DOCK4: variants seen among roughly 807,000 people sequenced by gnomAD.
The protein encoded by DOCK4 is dedicator of cytokinesis protein 4.
In DOCK4, 97 loss-of-function variants were observed where a neutral mutation model predicts 268.1. The observed-to-expected ratio is 0.36, with a 90% CI of 0.31 to 0.43. The LOEUF is 0.43. DOCK4 is among the 20% of genes least tolerant of loss of function. The probability of loss-of-function intolerance (pLI) is 1.00; values close to 1 mark genes in which losing one functional copy is unlikely to be tolerated. For missense variants in DOCK4, 2,145 were observed against 2,455.7 expected (o/e 0.87, Z 2.67); for synonymous variants, 954 against 887.2 (o/e 1.08, Z -1.34).
At chr7:111,917,339 T>C (rs571258260) in intron 12 of DOCK4, among the ~76,000 whole-genome samples, 47 of 152,182 alleles carry the variant, frequency 3.1e-4, no homozygotes, top group African/African-American at 1.1e-3. Context: ...ATTTACTATA[T>C]TAGTGATAGA....
intron 10 of DOCK4, among the ~76,000 whole-genome samples, chr7:111,944,096 T>G (rs1235532870): frequency 2.6e-5 from 4 of 152,142 alleles, no homozygotes; most frequent in African/African-American, 4.8e-5. Context: ...AAATGCCTGT[T>G]TTTAGAGGCA....
chr7:112,010,221 T>C lies in DOCK4; in HGVS notation c.38-6090A>G, dbSNP rs562515510. 9.8e-5 allele frequency among the ~76,000 whole-genome samples: 15 copies of C among 152,304 alleles called. No individual in the cohort carries two copies. The South Asian group carries it at 2.9e-3, about 29-fold the overall frequency. ...TCTACATATGTACAAAACCCCACTGTAGGGAAAGATAAAATATGGTGGAAA... is the reference window on the plus strand; with the variant it reads ...TCTACATATGTACAAAACCCCACTGCAGGGAAAGATAAAATATGGTGGAAA... On this transcript the variant is annotated intron_variant, in intron 1 of 52. Transcript: ENST00000428084.
At chr7:111,734,906 G>A in intron 51 of DOCK4, 148 bp downstream of exon 51, 1 of 659,940 alleles carries the variant, frequency 1.5e-6, no homozygotes, top group South Asian at 1.8e-5. Context: ...AGGAAAGAGG[G>A]AGACAATTGT....
At chr7:112,104,219 G>A (rs1047989478) in intron 1 of DOCK4, among the ~76,000 whole-genome samples, 5 of 152,174 alleles carry the variant, frequency 3.3e-5, no homozygotes, top group Non-Finnish European at 4.4e-5. Context: ...GTAGGTTAAT[G>A]CATTCTCAAT....
At chr7:111,873,151 A>G (rs1367723556) in intron 17 of DOCK4, among the ~76,000 whole-genome samples, 2 of 152,352 alleles carry the variant, frequency 1.3e-5, no homozygotes, top group South Asian at 2.1e-4. Flanking sequence ...ACCTGAGAAG[A>G]GCAGCTCCTG....
At chr7:111,988,437 C>T (rs530039602) in intron 6 of DOCK4, among the ~76,000 whole-genome samples, 1 of 152,312 alleles carries the variant, frequency 6.6e-6, no homozygotes, top group South Asian at 2.1e-4. Context: ...AAATTAGTCA[C>T]TTATGGTTTT....
chr7:111,861,979 T>C (rs966187234), intron 23 of DOCK4, among the ~76,000 whole-genome samples: 2 of 151,828 alleles, frequency 1.3e-5, no homozygotes, highest in Admixed American at 6.6e-5. Context: ...GGACCTTGAG[T>C]ATATCTGTGA....
chr7:112,185,192 A>C (rs974269762), intron 1 of DOCK4, among the ~76,000 whole-genome samples: 4 of 152,214 alleles, frequency 2.6e-5, no homozygotes, highest in African/African-American at 9.6e-5. Flanking sequence ...GCAGCATTGA[A>C]GTGCAGGCTG....
intron 1 of DOCK4, among the ~76,000 whole-genome samples, chr7:112,086,288 C>T (rs1809082296): frequency 6.6e-6 from 1 of 152,036 alleles, no homozygotes; most frequent in African/African-American, 2.4e-5. Context: ...AGTTCATGCC[C>T]ATTTAAATAT....
At chr7:111,750,202 G>T (rs983497461) in intron 42 of DOCK4, among the ~76,000 whole-genome samples, 3 of 152,200 alleles carry the variant, frequency 2.0e-5, no homozygotes, top group African/African-American at 7.2e-5. Context: ...AGGAAAACAT[G>T]AAAGTATCTG....
chr7:112,164,568 A>T (rs908282534), intron 1 of DOCK4, among the ~76,000 whole-genome samples: 11 of 152,194 alleles, frequency 7.2e-5, no homozygotes, highest in Admixed American at 3.9e-4. Flanking sequence ...ATACACACAC[A>T]CACGACTTTG....
At chr7:111,733,552 C>T (rs537744677) in intron 51 of DOCK4, among the ~76,000 whole-genome samples, 12 of 152,304 alleles carry the variant, frequency 7.9e-5, no homozygotes, top group African/African-American at 2.6e-4. Flanking sequence ...AACTATGTTC[C>T]TGCCTTAACG....
intron 1 of DOCK4, among the ~76,000 whole-genome samples, chr7:112,108,927 T>G (rs1000220030): frequency 1.3e-5 from 2 of 152,056 alleles, no homozygotes; most frequent in Non-Finnish European, 2.9e-5. Flanking sequence ...GGGACCAGGA[T>G]GTAAAGGTGA....
chr7:111,727,671 A>C lies in DOCK4; in HGVS notation c.*603T>G, dbSNP rs1329196341. ...CCAATTCACAAAATAGAATTTTACG[A>C]ATGTAGACAGCAGTCAAACAGCAAA... is the stretch of plus-strand genomic sequence containing the variant. On this transcript the variant is annotated 3_prime_UTR_variant, in exon 53 of 53. Coordinates refer to ENST00000428084, the MANE Select transcript of DOCK4 (RefSeq NM_001363540.2). 2 of 152,422 alleles carry C rather than the reference A, an allele frequency of 1.3e-5. No individual in the cohort carries two copies. The highest frequency in any genetic ancestry group is 2.9e-5 in the Non-Finnish European group (2 of 68,048). 9.4% of individuals were successfully genotyped at this position (152,422 alleles called of 1,614,324 possible).
Position 111,812,306 on chromosome 7 carries a change from G to T in DOCK4, c.2931-357C>A, listed in dbSNP as rs143404955. 6.3e-4 allele frequency among the ~76,000 whole-genome samples: 96 copies of T among 152,274 alleles called. 1 individual carries two copies. The highest frequency in any genetic ancestry group is 2.3e-3 in the South Asian group (11 of 4,830). ...CATATTTTTCTGTTTTTGAGACAGG[G>T]TCTTGCTCTGTTGTCCAGGCTGGAG... On this transcript the variant is annotated intron_variant, in intron 27 of 52. Coordinates refer to ENST00000428084, the MANE Select transcript of DOCK4 (RefSeq NM_001363540.2).
At chr7:112,101,983 C>T (rs1810740462) in intron 1 of DOCK4, among the ~76,000 whole-genome samples, 1 of 152,144 alleles carries the variant, frequency 6.6e-6, no homozygotes, top group Non-Finnish European at 1.5e-5. Flanking sequence ...GCTGGGACTA[C>T]AGGCACCCGC....
chr7:112,049,514 A>T (rs1805157909), intron 1 of DOCK4, among the ~76,000 whole-genome samples: 1 of 152,200 alleles, frequency 6.6e-6, no homozygotes, highest in African/African-American at 2.4e-5. Flanking sequence ...ATATAGCAAG[A>T]GGACAGATTA....
chr7:112,165,525 T>TGC, intron 1 of DOCK4, among the ~76,000 whole-genome samples: 1 of 40,982 alleles, frequency 2.4e-5, no homozygotes, highest in Admixed American at 1.8e-4. Context: ...ATAGTATACG[T>TGC]GTGTGTGTGT....
chr7:111,903,269 A>G (rs926460421), intron 13 of DOCK4, among the ~76,000 whole-genome samples: 1 of 152,180 alleles, frequency 6.6e-6, no homozygotes, highest in African/African-American at 2.4e-5. Flanking sequence ...TGGGCCATAA[A>G]ACAGAAAAAC....
Sources: gnomAD v4.1 joint callset for allele counts (sites outside exome capture counted in the v4.1 genomes callset) on GRCh38, gnomAD v4.1.1 for gene constraint, MANE v1.5 for transcripts, NCBI Gene and HGNC (gene_info 2026-07-23, HGNC 2026-07-21) for gene names.